NAALADL2: variants seen among roughly 807,000 people sequenced by gnomAD.
NAALADL2 encodes N-acetylated alpha-linked acidic dipeptidase like 2.
A neutral mutation model predicts 87.2 loss-of-function variants in NAALADL2; 76 were observed. The observed-to-expected ratio is 0.87, with a 90% confidence interval of 0.72 to 1.05. The LOEUF (loss-of-function observed/expected upper bound fraction) is 1.05, where lower values mean the gene tolerates loss of function less well. NAALADL2 is among the 50% of genes least tolerant of loss of function. NAALADL2 has a pLI of 0.00. For synonymous variants in NAALADL2, 354 were observed against 331.0 expected, an observed-to-expected ratio of 1.07 and a Z score of -0.75; for missense variants, 1,089 against 945.8, an observed-to-expected ratio of 1.15 and a Z score of -1.99.
chr3:174,999,399 C>G (rs1042815935), intron 1 of NAALADL2, among the ~76,000 whole-genome samples: 10 of 152,034 alleles, frequency 6.6e-5, no homozygotes, highest in African/African-American at 2.4e-4. Flanking sequence ...AATGTACATG[C>G]TTTTCTTAAG....
rs796494534 is a variant in NAALADL2 at position 174,897,406 on chromosome 3, T to TAA, written c.43+37968_43+37969dup. Among the ~76,000 whole-genome samples, 276 of 139,984 alleles carry TAA rather than the reference T, an allele frequency of 2.0e-3. 1 individual carries two copies. The highest frequency in any genetic ancestry group is 6.5e-3 in the African/African-American group (254 of 39,018). The allele number at this position is 139,984 out of a possible 152,430, so 91.8% of individuals were successfully genotyped here. ...AGACAACATACAAATGGCAAACTGG[T>TAA]AAAAAAAAAAAAAGTGCTAACATCA... is the stretch of plus-strand genomic sequence containing the variant. On this transcript the variant is annotated intron_variant, in intron 1 of 13. Transcript: ENST00000454872.
intron 1 of NAALADL2, among the ~76,000 whole-genome samples, chr3:175,013,126 ATT>A (rs1750208647): frequency 1.1e-5 from 1 of 87,788 alleles, no homozygotes; most frequent in East Asian, 2.7e-4. Context: ...AAATATACAT[ATT>A]TATATATAAA....
chr3:175,734,741 C>T (rs1744268766), intron 11 of NAALADL2, among the ~76,000 whole-genome samples: 1 of 152,080 alleles, frequency 6.6e-6, no homozygotes, highest in South Asian at 2.1e-4. Context: ...ACTCAGGGCA[C>T]CAAGTCCCAA....
chr3:175,044,810 G>T (rs1754479805), intron 1 of NAALADL2, among the ~76,000 whole-genome samples: 1 of 151,952 alleles, frequency 6.6e-6, no homozygotes, highest in South Asian at 2.1e-4. Flanking sequence ...TCACTTCTGA[G>T]TCTTACTCAG....
chr3:175,737,245 A>G, intron 11 of NAALADL2, 61 bp from the exon 12 acceptor site: 7 of 981,894 alleles, frequency 7.1e-6, no homozygotes, highest in Non-Finnish European at 1.1e-5. Flanking sequence ...AATGAAAAAC[A>G]AACAAATGAA....
At chr3:175,328,626 G>A (rs1201522834) in intron 5 of NAALADL2, among the ~76,000 whole-genome samples, 1 of 152,102 alleles carries the variant, frequency 6.6e-6, no homozygotes, top group Non-Finnish European at 1.5e-5. Flanking sequence ...AGACTTTAGT[G>A]CTTATATAGC....
intron 1 of NAALADL2, among the ~76,000 whole-genome samples, chr3:174,925,218 T>A (rs928368597): frequency 2.0e-5 from 3 of 152,210 alleles, no homozygotes; most frequent in African/African-American, 7.2e-5. Context: ...AACATTTAAA[T>A]CTTTAATCCA....
At chr3:174,641,469 C>A (rs1723181616) in intron 2 of NAALADL2, among the ~76,000 whole-genome samples, 1 of 152,158 alleles carries the variant, frequency 6.6e-6, no homozygotes, top group Non-Finnish European at 1.5e-5. Context: ...CAGGAAAATG[C>A]ATGAAGTCCA....
At chr3:175,749,274 T>C (rs2150119411) in intron 12 of NAALADL2, among the ~76,000 whole-genome samples, 1 of 150,568 alleles carries the variant, frequency 6.6e-6, no homozygotes, top group Non-Finnish European at 1.5e-5. Context: ...AGGTTTTAAA[T>C]TTTTCCAGGA....
At chr3:175,677,149 G>C (rs1560960560) in intron 11 of NAALADL2, among the ~76,000 whole-genome samples, 2 of 151,978 alleles carry the variant, frequency 1.3e-5, no homozygotes, top group African/African-American at 4.8e-5. Context: ...CAGATCACGA[G>C]GTCAGGAGAT....
chr3:175,204,939 C>A (rs1326629420), intron 2 of NAALADL2, among the ~76,000 whole-genome samples: 1 of 151,954 alleles, frequency 6.6e-6, no homozygotes, highest in South Asian at 2.1e-4. Context: ...CAAAACACTG[C>A]TGAAAGAAAT....
chr3:174,673,931 A>T (rs1184276937), intron 2 of NAALADL2, among the ~76,000 whole-genome samples: 2 of 118,760 alleles, frequency 1.7e-5, no homozygotes, highest in Admixed American at 2.0e-4. Flanking sequence ...ATTTGAAAAA[A>T]TGTTATGTAT....
At chr3:174,932,415 T>G (rs1007820473) in intron 1 of NAALADL2, among the ~76,000 whole-genome samples, 7 of 152,204 alleles carry the variant, frequency 4.6e-5, no homozygotes, top group Non-Finnish European at 1.0e-4. Context: ...TAACTTTGTT[T>G]ATTCATCTGT....
intron 2 of NAALADL2, among the ~76,000 whole-genome samples, chr3:174,664,092 C>T (rs1427080733): frequency 6.6e-6 from 1 of 152,030 alleles, no homozygotes. Context: ...CCTGGCTATT[C>T]AACTGTATTT....
intron 1 of NAALADL2, among the ~76,000 whole-genome samples, chr3:174,961,606 G>A (rs955926746): frequency 6.6e-6 from 1 of 151,974 alleles, no homozygotes; most frequent in African/African-American, 2.4e-5. Flanking sequence ...CTTCAAGATA[G>A]GAAACTGAGG....
At chr3:175,478,203 G>T (rs1179977250) in intron 9 of NAALADL2, among the ~76,000 whole-genome samples, 1 of 151,830 alleles carries the variant, frequency 6.6e-6, no homozygotes, top group Non-Finnish European at 1.5e-5. Flanking sequence ...TTTTCTGGGG[G>T]TACTCCTTAA....
At chr3:174,693,127 C>G (rs1412539637) in intron 2 of NAALADL2, among the ~76,000 whole-genome samples, 1 of 151,806 alleles carries the variant, frequency 6.6e-6, no homozygotes, top group Non-Finnish European at 1.5e-5. Context: ...CTCTTAGGGC[C>G]ATCAGGAGTT....
chr3:175,283,942 G>C (rs1754649509), intron 4 of NAALADL2, among the ~76,000 whole-genome samples: 1 of 151,458 alleles, frequency 6.6e-6, no homozygotes, highest in South Asian at 2.1e-4. Context: ...AAGAAGGGAG[G>C]ACAAAAATGT....
chr3:175,158,458 T>G (rs1405003740), intron 2 of NAALADL2, among the ~76,000 whole-genome samples: 1 of 152,128 alleles, frequency 6.6e-6, no homozygotes, highest in Non-Finnish European at 1.5e-5. Flanking sequence ...GGTAAAGAGA[T>G]GCATTGGACC....
Sources: allele counts gnomAD v4.1 joint callset (sites outside exome capture counted in the v4.1 genomes callset), GRCh38; gene constraint gnomAD v4.1.1; transcripts MANE v1.5; gene names NCBI Gene and HGNC (gene_info 2026-07-23, HGNC 2026-07-21).